The following CDH18 variants were observed in gnomAD, a reference collection of about 807,000 sequenced individuals.
The protein encoded by CDH18 is cadherin 18.
In CDH18, 31 loss-of-function variants were observed where a neutral mutation model predicts 67.9. The ratio of observed to expected loss-of-function variants is 0.46; its 90% confidence interval spans 0.34 to 0.62. CDH18 has a LOEUF of 0.62. CDH18 is among the 20% of genes least tolerant of loss of function. The probability of loss-of-function intolerance (pLI) is 0.01; values close to 1 mark genes in which losing one functional copy is unlikely to be tolerated. For synonymous variants in CDH18, 362 were observed against 347.2 expected (o/e 1.04, Z -0.48); for missense variants, 890 against 975.5 (o/e 0.91, Z 1.17).
At chr5:19,980,208 A>G (rs895797012) in intron 2 of CDH18, among the ~76,000 whole-genome samples, 1 of 127,616 alleles carries the variant, frequency 7.8e-6, no homozygotes, top group Non-Finnish European at 1.9e-5. Flanking sequence ...CTTTTACAAC[A>G]GCAAAAAACA....
In CDH18 at chr5:19,595,837, C is replaced by G. The variant is rs923225059; in HGVS notation, c.812-4593G>C. ...AGTAAGAAAGACATTAGCTTTTAGT[C>G]TAACTAAACTAAATGTCCGAATAAA... On this transcript the variant is annotated intron_variant, in intron 6 of 12. Transcript: ENST00000382275. Among the ~76,000 whole-genome samples the G allele has an allele frequency of 2.6e-5, 4 of 152,312 alleles. No homozygotes were observed. The South Asian group carries it at 8.3e-4, about 32-fold the overall frequency.
chr5:20,025,037 T>C (rs1738771304), intron 2 of CDH18, among the ~76,000 whole-genome samples: 2 of 152,194 alleles, frequency 1.3e-5, no homozygotes, highest in South Asian at 2.1e-4. Flanking sequence ...AGGGGCCATA[T>C]CTTTCGTAAC....
At chr5:20,096,979 T>C (rs1746042970) in intron 2 of CDH18, among the ~76,000 whole-genome samples, 1 of 152,172 alleles carries the variant, frequency 6.6e-6, no homozygotes, top group Non-Finnish European at 1.5e-5. Flanking sequence ...TTCTTATGTG[T>C]GACGGATACT....
chr5:20,331,966 G>A (rs998781416), intron 1 of CDH18, among the ~76,000 whole-genome samples: 1 of 152,138 alleles, frequency 6.6e-6, no homozygotes, highest in African/African-American at 2.4e-5. Flanking sequence ...TTCAAGTCAA[G>A]CATGCTTCTC....
intron 2 of CDH18, among the ~76,000 whole-genome samples, chr5:20,032,088 G>C (rs889464895): frequency 1.3e-5 from 2 of 151,982 alleles, no homozygotes; most frequent in African/African-American, 4.8e-5. Flanking sequence ...TTATTTTCTA[G>C]AAGGCTATTT....
Position 19,515,029 on chromosome 5 carries a change from T to C in CDH18, c.1512+5628A>G, listed in dbSNP as rs146616014. Among the ~76,000 whole-genome samples the C allele has an allele frequency of 6.4e-3, 968 of 152,296 alleles. 10 individuals are homozygous for C. The highest frequency in any genetic ancestry group is 0.022 in the African/African-American group (895 of 41,556). On this transcript the variant is annotated intron_variant, in intron 10 of 12. Transcript: ENST00000382275. ...ATCTCGAATTAATATCTGTATAAGG[T>C]GTAAGGAAGGGATCCAGTTTCAGCT...
At chr5:19,803,882 G>A (rs1468277069) in intron 3 of CDH18, 3 of 152,194 alleles carry the variant, frequency 2.0e-5, no homozygotes, top group African/African-American at 4.8e-5. Flanking sequence ...AGCACTTTGG[G>A]AGGCCGAGGC....
At chr5:20,075,711 A>G (rs1183703649) in intron 2 of CDH18, among the ~76,000 whole-genome samples, 2 of 152,226 alleles carry the variant, frequency 1.3e-5, no homozygotes, top group African/African-American at 4.8e-5. Context: ...CAGTAAAAAT[A>G]GAGCTCAGTC....
chr5:20,274,116 A>G (rs963207236), intron 1 of CDH18, among the ~76,000 whole-genome samples: 10 of 152,166 alleles, frequency 6.6e-5, no homozygotes, highest in South Asian at 4.1e-4. Flanking sequence ...AGTAGGCAAT[A>G]TCAGAAGCAA....
chr5:20,374,124 T>C (rs1314189983), intron 1 of CDH18, among the ~76,000 whole-genome samples: 2 of 152,060 alleles, frequency 1.3e-5, no homozygotes, highest in African/African-American at 4.8e-5. Context: ...AAAGGCCAAG[T>C]TCCCGTGTTA....
chr5:19,928,613 C>T, intron 2 of CDH18, among the ~76,000 whole-genome samples: 1 of 152,172 alleles, frequency 6.6e-6, no homozygotes, highest in Middle Eastern at 3.4e-3. Flanking sequence ...CCTGTGTGAG[C>T]TTGAGAATGT....
At chr5:20,013,152 G>A (rs184329257) in intron 2 of CDH18, among the ~76,000 whole-genome samples, 1 of 152,182 alleles carries the variant, frequency 6.6e-6, no homozygotes, top group Admixed American at 6.6e-5. Context: ...CACTATGTCA[G>A]TGATTCTTAA....
chr5:19,691,127 G>C (rs1054919223), intron 5 of CDH18, among the ~76,000 whole-genome samples: 4 of 151,526 alleles, frequency 2.6e-5, no homozygotes, highest in Non-Finnish European at 5.9e-5. Flanking sequence ...TTTAACATAT[G>C]CAAATCAATA....
At chr5:20,556,444 T>A (rs2126635136) in intron 1 of CDH18, among the ~76,000 whole-genome samples, 1 of 152,262 alleles carries the variant, frequency 6.6e-6, no homozygotes, top group East Asian at 1.9e-4. Context: ...TAGACACTCA[T>A]CCCCGGCCAA....
chr5:19,932,311 A>G lies in CDH18; in HGVS notation c.-257+48749T>C, dbSNP rs114642292. On this transcript the variant is annotated intron_variant, in intron 2 of 12. Coordinates refer to ENST00000382275, the MANE Select transcript of CDH18 (RefSeq NM_004934.5). ...TACTCATGTGCAGAATATTTTGCAG[A>G]GAATCTAAACTTATTAAAGTACGCG... 9.4e-3 allele frequency among the ~76,000 whole-genome samples: 1,434 copies of G among 151,916 alleles called. 22 individuals carry two copies. The highest frequency in any genetic ancestry group is 0.033 in the African/African-American group (1,363 of 41,516).
intron 9 of CDH18, among the ~76,000 whole-genome samples, chr5:19,522,087 G>A (rs1188608426): frequency 6.6e-6 from 1 of 151,950 alleles, no homozygotes; most frequent in East Asian, 1.9e-4. Context: ...AACAAAAAAA[G>A]ACGGAAGAGG....
At chr5:20,410,328 T>G (rs1045756605) in intron 1 of CDH18, among the ~76,000 whole-genome samples, 5 of 151,814 alleles carry the variant, frequency 3.3e-5, no homozygotes, top group Admixed American at 3.3e-4. Flanking sequence ...AGATGATTTA[T>G]AAAACAAAAA....
intron 3 of CDH18, among the ~76,000 whole-genome samples, chr5:19,785,680 ATATATATATATAT>A (rs1236680597): frequency 1.1e-3 from 14 of 13,160 alleles, no homozygotes; most frequent in South Asian, 4.9e-3. Context: ...AAAAAAAAAA[ATATATATATATAT>A]ATATATATAT....
At chr5:20,264,503 A>G (rs1007219134) in intron 1 of CDH18, among the ~76,000 whole-genome samples, 3 of 152,002 alleles carry the variant, frequency 2.0e-5, no homozygotes, top group African/African-American at 7.2e-5. Flanking sequence ...CAAATTTTTC[A>G]CCATCCTGTA....
Sources: gnomAD v4.1 joint callset for allele counts (sites outside exome capture counted in the v4.1 genomes callset) on GRCh38, gnomAD v4.1.1 for gene constraint, MANE v1.5 for transcripts, NCBI Gene and HGNC (gene_info 2026-07-23, HGNC 2026-07-21) for gene names.